LRP1B: variants seen among roughly 807,000 people sequenced by gnomAD.
The protein encoded by LRP1B is low-density lipoprotein receptor-related protein 1B.
In LRP1B, 217 loss-of-function variants were observed where a neutral mutation model predicts 556.6. That is an observed-to-expected ratio of 0.39 (90% CI 0.35 to 0.44). LRP1B has a LOEUF of 0.44. Among genes scored for constraint, LRP1B ranks in the 20% least tolerant of loss-of-function variants. The pLI, the probability that LRP1B is intolerant of heterozygous loss-of-function variation, is 1.00. For missense variants in LRP1B, 5,053 were observed against 5,620.8 expected (o/e 0.90, Z 3.23); for synonymous variants, 2,047 against 1,865.8 (o/e 1.10, Z -2.50).
chr2:141,645,881 T>C (rs1689544896), intron 2 of LRP1B, among the ~76,000 whole-genome samples: 1 of 152,108 alleles, frequency 6.6e-6, no homozygotes, highest in Admixed American at 6.6e-5. Flanking sequence ...GCTTTTTACT[T>C]GCTAAGATTT....
intron 1 of LRP1B, among the ~76,000 whole-genome samples, chr2:141,874,990 G>T (rs1698708721): frequency 6.6e-6 from 1 of 151,492 alleles, no homozygotes; most frequent in Non-Finnish European, 1.5e-5. Context: ...CAGTAAAAAT[G>T]GTGTTATTGC....
At chr2:140,932,085 T>C (rs1348128165) in intron 20 of LRP1B, among the ~76,000 whole-genome samples, 1 of 152,120 alleles carries the variant, frequency 6.6e-6, no homozygotes, top group Non-Finnish European at 1.5e-5. Flanking sequence ...TGTCAAACAT[T>C]TTGTGGAAAG....
At position 141,466,950 on chromosome 2, in the gene LRP1B, G is replaced by GATATATATATATATATATATATAT. The variant is rs59093011; in HGVS notation, c.343+13445_343+13446insATATATATATATATATATATATAT. 1.4e-3 allele frequency among the ~76,000 whole-genome samples: 193 copies of GATATATATATATATATATATATAT among 140,788 alleles called. 1 individual carries two copies. The highest frequency in any genetic ancestry group is 4.6e-3 in the South Asian group (19 of 4,124). The allele number at this position is 140,788 out of a possible 152,430, so 92.4% of individuals were successfully genotyped here. A position where few individuals can be genotyped will look rare whatever the true frequency, so the allele number is the denominator to read the frequency against. ...ATAAGTGAAAAGGAAGTGCTCAGGG[G>GATATATATATATATATATATATAT]ATATATATATATATATATATATCCC... On this transcript the variant is annotated intron_variant, in intron 3 of 90. Transcript: ENST00000389484.
In LRP1B at chr2:140,698,828, T is replaced by G. The variant is rs531978241; in HGVS notation, c.6799+1422A>C. Among the ~76,000 whole-genome samples the G allele has an allele frequency of 2.6e-5, 4 of 152,208 alleles. No homozygotes were observed. In the East Asian group the frequency reaches 7.7e-4, roughly 29 times the overall value. ...CTATCTTGCACTTTGAATAAATCAT[T>G]TACTCATGCATGATTTTATCATGTC... On this transcript the variant is annotated intron_variant, in intron 41 of 90. Coordinates refer to ENST00000389484, the MANE Select transcript of LRP1B (RefSeq NM_018557.3).
chr2:141,145,266 G>A (rs751623900), intron 7 of LRP1B, among the ~76,000 whole-genome samples: 18 of 151,880 alleles, frequency 1.2e-4, no homozygotes, highest in Non-Finnish European at 2.5e-4. Context: ...AAAATATATC[G>A]CTTTTAAATT....
intron 41 of LRP1B, among the ~76,000 whole-genome samples, chr2:140,607,205 A>G (rs1401877229): frequency 1.3e-5 from 2 of 152,124 alleles, no homozygotes; most frequent in Non-Finnish European, 2.9e-5. Context: ...ACACTATTAG[A>G]CATCAAAGTA....
Position 141,074,173 on chromosome 2 carries a change from A to T in LRP1B, c.1014-11900T>A, listed in dbSNP as rs186845877. 1.1e-3 allele frequency among the ~76,000 whole-genome samples: 165 copies of T among 152,060 alleles called. 1 individual carries two copies. The highest frequency in any genetic ancestry group is 3.2e-4 in the Non-Finnish European group (22 of 67,936). On this transcript the variant is annotated intron_variant, in intron 7 of 90. Coordinates refer to ENST00000389484, the MANE Select transcript of LRP1B (RefSeq NM_018557.3). The stretch of plus-strand genomic sequence containing the variant: ...AGTGATGCTCTTCTCTATTTCTAGT[A>T]CCTTGGCTGTCTTTCTGTTCCTTAA...
intron 1 of LRP1B, among the ~76,000 whole-genome samples, chr2:141,860,192 A>C (rs1698192793): frequency 6.6e-6 from 1 of 152,102 alleles, no homozygotes; most frequent in African/African-American, 2.4e-5. Context: ...AAATTGTAAA[A>C]CAACAACAAA....
intron 20 of LRP1B, among the ~76,000 whole-genome samples, chr2:140,942,062 T>G (rs1316190800): frequency 6.6e-6 from 1 of 152,082 alleles, no homozygotes; most frequent in Non-Finnish European, 1.5e-5. Context: ...GATTCAAGAT[T>G]TGAAAGATGA....
At chr2:141,257,817 AT>A (rs1429772336) in intron 3 of LRP1B, among the ~76,000 whole-genome samples, 1 of 152,228 alleles carries the variant, frequency 6.6e-6, no homozygotes. Flanking sequence ...AAAATTTAAA[AT>A]TTGGCAGACT....
intron 1 of LRP1B, among the ~76,000 whole-genome samples, chr2:142,026,473 G>A (rs930503939): frequency 1.8e-4 from 28 of 151,966 alleles, no homozygotes; most frequent in African/African-American, 6.0e-4. Context: ...TTTCCAAATC[G>A]TCATTTCTTA....
intron 41 of LRP1B, among the ~76,000 whole-genome samples, chr2:140,670,807 A>G (rs189881499): frequency 1.3e-5 from 2 of 152,330 alleles, no homozygotes; most frequent in Non-Finnish European, 1.5e-5. Context: ...ATTACGACAT[A>G]TTAGGTTAAG....
chr2:140,780,391 G>C (rs1414838080), intron 32 of LRP1B, among the ~76,000 whole-genome samples: 2 of 152,180 alleles, frequency 1.3e-5, no homozygotes, highest in Admixed American at 1.3e-4. Context: ...AAAGAAAAAG[G>C]CCATTGTTAA....
At chr2:141,756,813 G>T (rs928778705) in intron 2 of LRP1B, among the ~76,000 whole-genome samples, 5 of 151,860 alleles carry the variant, frequency 3.3e-5, no homozygotes, top group African/African-American at 1.2e-4. Flanking sequence ...TATGTAGTGG[G>T]GTATACCATC....
intron 2 of LRP1B, among the ~76,000 whole-genome samples, chr2:141,518,285 G>T (rs529639364): frequency 5.3e-5 from 8 of 152,246 alleles, no homozygotes; most frequent in South Asian, 2.1e-4. Flanking sequence ...CTAATGTTCA[G>T]TAGGTGGAAG....
chr2:140,408,820 C>T (rs189778706), intron 66 of LRP1B, among the ~76,000 whole-genome samples: 6 of 151,980 alleles, frequency 3.9e-5, no homozygotes, highest in Non-Finnish European at 7.4e-5. Context: ...GATAAATATG[C>T]TTATTTTGAG....
At chr2:141,982,400 A>G (rs1358216154) in intron 1 of LRP1B, among the ~76,000 whole-genome samples, 1 of 152,234 alleles carries the variant, frequency 6.6e-6, no homozygotes, top group East Asian at 1.9e-4. Flanking sequence ...TCATGATAAA[A>G]GTAAAGCATT....
intron 3 of LRP1B, among the ~76,000 whole-genome samples, chr2:141,317,490 T>A (rs1687078524): frequency 6.6e-6 from 1 of 152,132 alleles, no homozygotes; most frequent in Admixed American, 6.5e-5. Flanking sequence ...TCATTTAACC[T>A]TCATTACCAC....
chr2:140,941,841 A>G (rs921846799), intron 20 of LRP1B, among the ~76,000 whole-genome samples: 2 of 152,178 alleles, frequency 1.3e-5, no homozygotes, highest in African/African-American at 4.8e-5. Flanking sequence ...CAGCTCCATC[A>G]GATAATGAGG....
Sources: allele counts gnomAD v4.1 joint callset (sites outside exome capture counted in the v4.1 genomes callset), GRCh38; gene constraint gnomAD v4.1.1; transcripts MANE v1.5; gene names NCBI Gene and HGNC (gene_info 2026-07-23, HGNC 2026-07-21).